The following ACTN4 variants were observed in gnomAD, a reference collection of about 807,000 sequenced individuals.
The protein encoded by ACTN4 is alpha-actinin-4.
ACTN4 carries 18 observed loss-of-function variants against 114.2 expected under a neutral mutation model. The ratio of observed to expected loss-of-function variants is 0.16; its 90% CI spans 0.11 to 0.23. The LOEUF (loss-of-function observed/expected upper bound fraction) is 0.23, where lower values mean the gene tolerates loss of function less well. ACTN4 is among the 10% of genes least tolerant of loss of function. The pLI is 1.00. For synonymous variants in ACTN4, 515 were observed against 506.3 expected, an observed-to-expected ratio of 1.02 and a Z score of -0.23; for missense variants, 722 against 1,262.9, an observed-to-expected ratio of 0.57 and a Z score of 6.49.
chr19:38,651,369 G>A (rs1200239221), intron 1 of ACTN4, among the ~76,000 whole-genome samples: 2 of 152,256 alleles, frequency 1.3e-5, no homozygotes, highest in African/African-American at 4.8e-5. Context: ...GTGTTCTCCT[G>A]GCGGGATGGA....
At chr19:38,649,751 C>T (rs900310130) in intron 1 of ACTN4, among the ~76,000 whole-genome samples, 3 of 152,020 alleles carry the variant, frequency 2.0e-5, no homozygotes, top group African/African-American at 7.3e-5. Flanking sequence ...AGGAGCTTGG[C>T]ACAGGCAGCC....
At position 38,724,085 on chromosome 19, in the gene ACTN4, C is replaced by T. The variant is rs1969142985; in HGVS notation, c.1692+8C>T. Reference sequence around the variant, plus strand: ...ACCATCGAGGAGATTGAGGTTCGCACCCCCCGGCCCCCCATCTTCCCAAGA... The same window carrying T: ...ACCATCGAGGAGATTGAGGTTCGCATCCCCCGGCCCCCCATCTTCCCAAGA... On this transcript the variant is annotated splice_region_variant and intron_variant, in intron 14 of 20. Coordinates refer to ENST00000252699, the MANE Select transcript of ACTN4 (RefSeq NM_004924.6). This position sits in a 1 kb window ranked among gnomAD's most constrained non-coding sequence, Gnocchi z 7.0. 1 of 1,613,278 alleles carries T rather than the reference C, an allele frequency of 6.2e-7. No individual in the cohort carries two copies. The highest frequency in any genetic ancestry group is 8.5e-7 in the Non-Finnish European group (1 of 1,179,792).
At position 38,730,835 on chromosome 19, in the gene ACTN4, G is replaced by A. The variant is rs1969527415; in HGVS notation, c.*1403G>A. The A allele has an allele frequency of 1.3e-6, 2 of 1,550,768 alleles. No individual in the cohort carries two copies. The highest frequency in any genetic ancestry group is 1.2e-5 in the South Asian group (1 of 84,076). ...AGCAACCCTGCCCTGAGCAGCAGGTGCGCCCATCCGGAGATCCTAGGAGAA... is the reference window on the plus strand; with the variant it reads ...AGCAACCCTGCCCTGAGCAGCAGGTACGCCCATCCGGAGATCCTAGGAGAA... On this transcript the variant is annotated 3_prime_UTR_variant, in exon 21 of 21. Coordinates refer to ENST00000252699, the MANE Select transcript of ACTN4 (RefSeq NM_004924.6).
intron 1 of ACTN4, among the ~76,000 whole-genome samples, chr19:38,679,839 T>C (rs1027720242): frequency 4.6e-5 from 7 of 151,706 alleles, no homozygotes; most frequent in African/African-American, 1.7e-4. Flanking sequence ...TTATATTTAA[T>C]GCTTCTGACC....
At chr19:38,668,911 C>T (rs550018599) in intron 1 of ACTN4, among the ~76,000 whole-genome samples, 2 of 152,192 alleles carry the variant, frequency 1.3e-5, no homozygotes, top group African/African-American at 4.8e-5. Flanking sequence ...ATAAATCGAC[C>T]TCCAGGAGAG....
At position 38,731,069 on chromosome 19, in the gene ACTN4, CTTCCCCCCAT is replaced by C; in HGVS notation, c.*1638_*1647del. The C allele has an allele frequency of 6.4e-7, 1 of 1,573,824 alleles. No homozygotes were observed. The highest frequency in any genetic ancestry group is 1.2e-5 in the South Asian group (1 of 86,570). On this transcript the variant is annotated 3_prime_UTR_variant, in exon 21 of 21. Transcript: ENST00000252699. ...TGAGTGCCCACCAGTCCCCGTACCC[CTTCCCCCCAT>C]GCCCCACCATGCCGGGGTGGTACTC...
intron 19 of ACTN4, 141 bp downstream of exon 19, chr19:38,728,167 C>A: frequency 7.7e-7 from 1 of 1,299,170 alleles, no homozygotes; most frequent in Non-Finnish European, 1.1e-6. Flanking sequence ...CCCACATCTC[C>A]CTGGACCCCT....
intron 11 of ACTN4, 62 bp from the exon 12 acceptor site, chr19:38,721,476 C>G: frequency 5.0e-6 from 8 of 1,600,914 alleles, no homozygotes; most frequent in Non-Finnish European, 6.8e-6. Flanking sequence ...TTGGACAGCC[C>G]CTCCAGACTC....
intron 1 of ACTN4, among the ~76,000 whole-genome samples, chr19:38,670,932 A>AC (rs1555825372): frequency 0.014 from 2,089 of 151,874 alleles, 55 homozygotes; most frequent in African/African-American, 0.046. Flanking sequence ...AAAAAAAAAA[A>AC]AAAAAACCTG....
chr19:38,703,854 C>T lies in ACTN4; in HGVS notation c.398-1080C>T, dbSNP rs559211775. 3.5e-3 allele frequency among the ~76,000 whole-genome samples: 533 copies of T among 152,140 alleles called. 6 individuals carry two copies. The highest frequency in any genetic ancestry group is 0.011 in the African/African-American group (474 of 41,516). Reference sequence around the variant, plus strand: ...AAGCCACCACGAGAGGTGACACAAGCAGAAGCTTACACGATGAGAAGGACC... The same window carrying T: ...AAGCCACCACGAGAGGTGACACAAGTAGAAGCTTACACGATGAGAAGGACC... On this transcript the variant is annotated intron_variant, in intron 3 of 20. Transcript: ENST00000252699.
At chr19:38,678,860 A>G (rs1967461355) in intron 1 of ACTN4, among the ~76,000 whole-genome samples, 1 of 152,216 alleles carries the variant, frequency 6.6e-6, no homozygotes, top group Non-Finnish European at 1.5e-5. Context: ...ACCTTGTTCC[A>G]CAGGAGAGGA....
intron 1 of ACTN4, among the ~76,000 whole-genome samples, chr19:38,677,838 T>A (rs1464513304): frequency 6.6e-6 from 1 of 152,244 alleles, no homozygotes; most frequent in Non-Finnish European, 1.5e-5. Context: ...GTGATTCTCC[T>A]GCCTCAGCCT....
intron 1 of ACTN4, among the ~76,000 whole-genome samples, chr19:38,653,290 A>G (rs911068129): frequency 1.3e-5 from 2 of 152,102 alleles, no homozygotes. Flanking sequence ...CCAAAAAAGA[A>G]TTGATTTGGG....
chr19:38,706,161 T>G lies in ACTN4; in HGVS notation c.572+30T>G, dbSNP rs1402110312. On this transcript the variant is annotated intron_variant, in intron 5 of 20. Transcript: ENST00000252699. ...GCGCCAGTCCTGGTCATCCTCTCCT[T>G]TCCTCTAGGAACCTGAGATCCTTCC... The G allele has an allele frequency of 1.9e-6, 3 of 1,601,854 alleles. No homozygotes were observed. The South Asian group carries it at 3.3e-5, about 18-fold the overall frequency.
intron 1 of ACTN4, among the ~76,000 whole-genome samples, chr19:38,673,618 T>C (rs8182575): frequency 2.9e-4 from 22 of 75,614 alleles, no homozygotes; most frequent in Non-Finnish European, 5.1e-4. Flanking sequence ...CATTTATATT[T>C]ATATATATTC....
intron 6 of ACTN4, 150 bp downstream of exon 6, chr19:38,708,345 T>C (rs1968529230): frequency 1.4e-5 from 12 of 841,466 alleles, no homozygotes; most frequent in Non-Finnish European, 2.2e-5. Context: ...TTGTGCAGGC[T>C]CTCCGCAACC....
chr19:38,656,770 T>C (rs1448784342), intron 1 of ACTN4, among the ~76,000 whole-genome samples: 1 of 152,204 alleles, frequency 6.6e-6, no homozygotes, highest in Non-Finnish European at 1.5e-5. Context: ...GTTTTATGTT[T>C]TTTAAAGTTT....
chr19:38,658,237 A>T (rs541283889), intron 1 of ACTN4, among the ~76,000 whole-genome samples: 1 of 152,310 alleles, frequency 6.6e-6, no homozygotes, highest in Admixed American at 6.5e-5. Context: ...CACTCCATGA[A>T]ATCCGCTGCT....
chr19:38,704,451 C>A (rs1013559597), intron 3 of ACTN4, among the ~76,000 whole-genome samples: 3 of 152,234 alleles, frequency 2.0e-5, no homozygotes, highest in Non-Finnish European at 4.4e-5. Context: ...GACAGATTCA[C>A]AATAAACAAT....
Sources: allele counts gnomAD v4.1 joint callset (sites outside exome capture counted in the v4.1 genomes callset), GRCh38; gene constraint gnomAD v4.1.1; non-coding constraint Gnocchi (gnomAD v3.1); transcripts MANE v1.5; gene names NCBI Gene and HGNC (gene_info 2026-07-23, HGNC 2026-07-21).